The following CLASP2 variants were observed in gnomAD, a reference collection of about 807,000 sequenced individuals.
CLASP2 encodes the protein CLIP-associating protein 2.
In CLASP2, 47 loss-of-function variants were observed where a neutral mutation model predicts 194.4. The observed-to-expected ratio is 0.24, with a 90% CI of 0.19 to 0.31. The LOEUF (loss-of-function observed/expected upper bound fraction) is 0.31. CLASP2 is among the 10% of genes least tolerant of loss of function. The probability of loss-of-function intolerance (pLI) is 1.00; values close to 1 mark genes in which losing one functional copy is unlikely to be tolerated. For missense variants in CLASP2, 1,445 were observed against 1,823.6 expected, an observed-to-expected ratio of 0.79 and a Z score of 3.78; for synonymous variants, 619 against 633.5, an observed-to-expected ratio of 0.98 and a Z score of 0.34.
chr3:33,596,673 T>C (rs745937944), intron 19 of CLASP2, 38 bp downstream of exon 19: 4 of 1,470,622 alleles, frequency 2.7e-6, no homozygotes, highest in Non-Finnish European at 3.7e-6. Flanking sequence ...CCAGGTTCCA[T>C]AAAAATCTTT....
intron 12 of CLASP2, among the ~76,000 whole-genome samples, chr3:33,617,932 AT>A (rs1013427647): frequency 1.3e-4 from 18 of 141,704 alleles, no homozygotes; most frequent in African/African-American, 2.4e-4. Context: ...AATTATTATT[AT>A]TATATATATA....
intron 34 of CLASP2, among the ~76,000 whole-genome samples, chr3:33,522,539 C>A (rs1218929455): frequency 6.6e-6 from 1 of 152,072 alleles, no homozygotes; most frequent in Non-Finnish European, 1.5e-5. Flanking sequence ...CAGGATAATA[C>A]AGCATACTCA....
Position 33,559,339 on chromosome 3 carries a change from TA to T in CLASP2, c.2976del (p.Phe992LeufsTer11). 6.3e-7 allele frequency: 1 copy of T among 1,598,792 alleles called. No homozygotes were observed. The highest frequency in any genetic ancestry group is 8.5e-7 in the Non-Finnish European group (1 of 1,170,688). Reference sequence around the variant, plus strand: ...CTTGGTGTCTGGGTCTGATCAACTGTAAATCTCATTAGAATATTGAACTGAA... The same window carrying T: ...CTTGGTGTCTGGGTCTGATCAACTGTAATCTCATTAGAATATTGAACTGAA... ...NDLQFNILMR[F>X]TVDQTQTPSL... On this transcript the variant is annotated frameshift_variant, in exon 29 of 39. Transcript: ENST00000682230. LOFTEE classifies it high-confidence loss of function.
chr3:33,618,553 G>A (rs1046582180), intron 12 of CLASP2, among the ~76,000 whole-genome samples: 2 of 151,926 alleles, frequency 1.3e-5, no homozygotes, highest in African/African-American at 2.4e-5. Flanking sequence ...AGGCTGAGGC[G>A]GGAAAATAGC....
intron 30 of CLASP2, among the ~76,000 whole-genome samples, chr3:33,549,233 C>T (rs1348842964): frequency 1.3e-5 from 2 of 152,164 alleles, no homozygotes; most frequent in Non-Finnish European, 1.5e-5. Context: ...TTAACTTTTG[C>T]TTTAATCTTG....
intron 1 of CLASP2, among the ~76,000 whole-genome samples, chr3:33,697,897 A>C (rs2092068170): frequency 1.3e-5 from 2 of 152,214 alleles, no homozygotes; most frequent in Non-Finnish European, 2.9e-5. Flanking sequence ...GGTAAGAAGA[A>C]GTCAGTTATA....
chr3:33,642,925 A>G (rs1368495582), intron 8 of CLASP2, among the ~76,000 whole-genome samples: 1 of 151,906 alleles, frequency 6.6e-6, no homozygotes, highest in Non-Finnish European at 1.5e-5. Flanking sequence ...GAAGAGAAAA[A>G]GGAGAAAGGA....
intron 7 of CLASP2, among the ~76,000 whole-genome samples, chr3:33,653,261 A>T (rs2154322426): frequency 6.6e-6 from 1 of 152,334 alleles, no homozygotes; most frequent in Non-Finnish European, 1.5e-5. Context: ...CTAATAAATT[A>T]GACTTGATTC....
At chr3:33,698,511 TG>T (rs1445629108) in intron 1 of CLASP2, among the ~76,000 whole-genome samples, 1 of 151,938 alleles carries the variant, frequency 6.6e-6, no homozygotes. Context: ...AGTCTACCAG[TG>T]GGGAAGGGGC....
chr3:33,702,586 C>CA (rs915364124), intron 1 of CLASP2, among the ~76,000 whole-genome samples: 1 of 151,456 alleles, frequency 6.6e-6, no homozygotes, highest in African/African-American at 2.4e-5. Context: ...AAACAACAAA[C>CA]AAAAAAAGAA....
At chr3:33,574,431 GT>G in intron 24 of CLASP2, 1 of 1,318,946 alleles carries the variant, frequency 7.6e-7, no homozygotes, top group Non-Finnish European at 1.0e-6. Flanking sequence ...AGAAAAAAAA[GT>G]TATGGTATCA....
At chr3:33,524,158 G>A (rs1189414340) in intron 34 of CLASP2, among the ~76,000 whole-genome samples, 1 of 151,960 alleles carries the variant, frequency 6.6e-6, no homozygotes, top group Non-Finnish European at 1.5e-5. Context: ...TAGCAGACTG[G>A]ATGAAAAAGG....
intron 34 of CLASP2, among the ~76,000 whole-genome samples, chr3:33,525,178 G>A (rs1157851079): frequency 1.3e-5 from 2 of 152,018 alleles, no homozygotes; most frequent in South Asian, 2.1e-4. Flanking sequence ...ATGGATCAAA[G>A]AAATTAGAGA....
intron 21 of CLASP2, among the ~76,000 whole-genome samples, chr3:33,590,463 AC>A (rs1205310330): frequency 2.6e-5 from 4 of 152,212 alleles, no homozygotes; most frequent in Admixed American, 6.5e-5. Flanking sequence ...TGATGCTAAT[AC>A]TGGTCTGGGC....
chr3:33,678,424 C>T (rs2089228569), intron 6 of CLASP2, among the ~76,000 whole-genome samples: 1 of 152,012 alleles, frequency 6.6e-6, no homozygotes, highest in Admixed American at 6.5e-5. Flanking sequence ...AAACTACATC[C>T]CACTTCTCCT....
chr3:33,599,024 T>C (rs1237944464), intron 18 of CLASP2, among the ~76,000 whole-genome samples: 1 of 152,236 alleles, frequency 6.6e-6, no homozygotes, highest in East Asian at 1.9e-4. Flanking sequence ...GAGTTTAATA[T>C]TGATTACAGT....
chr3:33,683,861 GCC>G (rs1446162725), intron 6 of CLASP2, among the ~76,000 whole-genome samples: 1 of 147,848 alleles, frequency 6.8e-6, no homozygotes, highest in Non-Finnish European at 1.5e-5. Flanking sequence ...AATCACTTGA[GCC>G]CAGGATGCAG....
At chr3:33,526,080 C>CT (rs530958434) in intron 34 of CLASP2, among the ~76,000 whole-genome samples, 2,970 of 144,376 alleles carry the variant, frequency 0.021, 32 homozygotes, top group East Asian at 0.03. Context: ...GCTGCTTCTT[C>CT]TTTTTTTTTT....
At chr3:33,705,966 A>G (rs2092659604) in intron 1 of CLASP2, among the ~76,000 whole-genome samples, 1 of 152,220 alleles carries the variant, frequency 6.6e-6, no homozygotes, top group Admixed American at 6.5e-5. Flanking sequence ...ATAAAAAACA[A>G]TGATGGCTGG....
Sources: allele counts gnomAD v4.1 joint callset (sites outside exome capture counted in the v4.1 genomes callset), GRCh38; gene constraint gnomAD v4.1.1; transcripts MANE v1.5; gene names NCBI Gene and HGNC (gene_info 2026-07-23, HGNC 2026-07-21).